Variants in HDAC9 observed in about 807,000 individuals in gnomAD.
HDAC9 encodes MEF-2 interacting transcription repressor (MITR) protein.
HDAC9 carries 41 observed loss-of-function variants against 139.4 expected under a neutral mutation model. That is an observed-to-expected ratio of 0.29 (90% CI 0.23 to 0.38). The LOEUF (loss-of-function observed/expected upper bound fraction) is 0.38, where lower values mean the gene tolerates loss of function less well. Ranked by LOEUF, HDAC9 falls within the 10% of genes least tolerant of loss-of-function variation. HDAC9 has a pLI of 1.00. For synonymous variants in HDAC9, 517 were observed against 476.2 expected, an observed-to-expected ratio of 1.09 and a Z score of -1.12; for missense variants, 1,147 against 1,297.0, an observed-to-expected ratio of 0.88 and a Z score of 1.78.
chr7:18,828,097 G>A (rs1054058029), intron 17 of HDAC9, among the ~76,000 whole-genome samples: 1 of 152,066 alleles, frequency 6.6e-6, no homozygotes, highest in African/African-American at 2.4e-5. Flanking sequence ...CTCATTGTGT[G>A]TTAATGACCA....
At chr7:18,963,333 G>C (rs920107946) in intron 24 of HDAC9, among the ~76,000 whole-genome samples, 14 of 152,120 alleles carry the variant, frequency 9.2e-5, no homozygotes, top group Admixed American at 2.0e-4. Flanking sequence ...TCCACTCCTG[G>C]GTTCAGGAGG....
In HDAC9 at chr7:18,673,074, T is replaced by C. The variant is rs541222631; in HGVS notation, c.1731+6598T>C. Among the ~76,000 whole-genome samples, 5 of 152,180 alleles carry C rather than the reference T, an allele frequency of 3.3e-5. No individual in the cohort carries two copies. In the East Asian group the frequency reaches 9.7e-4, roughly 30 times the overall value. ...ATCAATTATTTTTCTTCATGAATAT[T>C]ACTTTTAAAATCCTACCCTCGTCAC... On this transcript the variant is annotated intron_variant, in intron 12 of 25. Coordinates refer to ENST00000686413, the MANE Select transcript of HDAC9 (RefSeq NM_178425.4).
chr7:18,894,099 A>G (rs1292777661), intron 22 of HDAC9, among the ~76,000 whole-genome samples: 1 of 152,160 alleles, frequency 6.6e-6, no homozygotes, highest in Non-Finnish European at 1.5e-5. Context: ...GAAGGTGGGA[A>G]TGGAGTAAAG....
chr7:18,686,259 ACCAAGTCTT>A (rs1782261859), intron 12 of HDAC9, among the ~76,000 whole-genome samples: 1 of 152,016 alleles, frequency 6.6e-6, no homozygotes, highest in Non-Finnish European at 1.5e-5. Flanking sequence ...TAACTTTTCA[ACCAAGTCTT>A]CTTTACTCCC....
intron 1 of HDAC9, among the ~76,000 whole-genome samples, chr7:18,482,935 A>C (rs2128129140): frequency 6.6e-6 from 1 of 152,306 alleles, no homozygotes; most frequent in Non-Finnish European, 1.5e-5. Context: ...AACCCTTAAA[A>C]ACAGAACAAA....
intron 12 of HDAC9, among the ~76,000 whole-genome samples, chr7:18,707,128 G>C (rs963237104): frequency 6.6e-6 from 1 of 152,206 alleles, no homozygotes; most frequent in Non-Finnish European, 1.5e-5. Context: ...CACAAAGAGA[G>C]GGAGGAACTG....
At position 18,806,399 on chromosome 7, in the gene HDAC9, G is replaced by A. The variant is rs149260941; in HGVS notation, c.2322+12947G>A. Among the ~76,000 whole-genome samples, 978 of 152,178 alleles carry A rather than the reference G, an allele frequency of 6.4e-3. 5 individuals carry two copies. Among genetic ancestry groups the A allele is most frequent in the Non-Finnish European group, 0.011 (729 of 68,006 alleles). On this transcript the variant is annotated intron_variant, in intron 17 of 25. Coordinates refer to ENST00000686413, the MANE Select transcript of HDAC9 (RefSeq NM_178425.4). The stretch of plus-strand genomic sequence containing the variant: ...CCTTTCCTTGTGGTCGTGAGACTTG[G>A]GTCTCCATTTTCTTGCTAGCTGTCA...
chr7:18,870,821 A>G (rs1413006391), intron 21 of HDAC9, among the ~76,000 whole-genome samples: 3 of 152,120 alleles, frequency 2.0e-5, no homozygotes, highest in Middle Eastern at 3.2e-3. Flanking sequence ...CTACAGGCAC[A>G]CACCACCATG....
chr7:18,983,540 T>G (rs1050509960), intron 25 of HDAC9, among the ~76,000 whole-genome samples: 1 of 152,186 alleles, frequency 6.6e-6, no homozygotes, highest in Non-Finnish European at 1.5e-5. Flanking sequence ...CTCTATGAAA[T>G]TTTCATACAA....
intron 22 of HDAC9, among the ~76,000 whole-genome samples, chr7:18,932,475 A>G (rs965644346): frequency 2.0e-5 from 3 of 152,158 alleles, no homozygotes; most frequent in Non-Finnish European, 4.4e-5. Context: ...TAGAAAAAGG[A>G]GAGTAAATCC....
intron 1 of HDAC9, among the ~76,000 whole-genome samples, chr7:18,472,628 C>G (rs1794811375): frequency 6.6e-6 from 1 of 152,196 alleles, no homozygotes; most frequent in African/African-American, 2.4e-5. Flanking sequence ...TACGTATTTA[C>G]AAGACCGGCT....
chr7:18,354,646 T>G (rs769034052), intron 1 of HDAC9, among the ~76,000 whole-genome samples: 1 of 152,206 alleles, frequency 6.6e-6, no homozygotes, highest in African/African-American at 2.4e-5. Flanking sequence ...ATCAAACCAT[T>G]AATACCTATC....
chr7:18,472,853 G>T (rs2128121406), intron 1 of HDAC9, among the ~76,000 whole-genome samples: 1 of 152,300 alleles, frequency 6.6e-6, no homozygotes. Context: ...TATGCCCCAG[G>T]AGGGCAGAGA....
Position 18,975,696 on chromosome 7 carries a change from A to G in HDAC9, c.3023-110A>G, listed in dbSNP as rs1784505817. The G allele has an allele frequency of 6.9e-6, 7 of 1,009,206 alleles. No individual in the cohort carries two copies. The East Asian group carries it at 1.7e-4, about 25-fold the overall frequency. The allele number at this position is 1,009,206 out of a possible 1,614,324, so 62.5% of individuals were successfully genotyped here. On this transcript the variant is annotated intron_variant, in intron 24 of 25. Transcript: ENST00000686413. ...AGAAACCAAATTACAACTGTGTATAACATGGGGAATTTTAACTTAACAACT... is the reference window on the plus strand; with the variant it reads ...AGAAACCAAATTACAACTGTGTATAGCATGGGGAATTTTAACTTAACAACT...
Position 18,882,934 on chromosome 7 carries a change from G to A in HDAC9, c.2803+8338G>A, listed in dbSNP as rs898003780. Among the ~76,000 whole-genome samples the A allele has an allele frequency of 4.6e-5, 7 of 152,180 alleles. No homozygotes were observed. In the South Asian group the frequency reaches 1.2e-3, roughly 27 times the overall value. On this transcript the variant is annotated intron_variant, in intron 22 of 25. Coordinates refer to ENST00000686413, the MANE Select transcript of HDAC9 (RefSeq NM_178425.4). ...ATGCAGGATTTTAGGTAAATAGTAA[G>A]TGTATTGTCCATTTAATTAAAAGCC... is the stretch of plus-strand genomic sequence containing the variant.
intron 22 of HDAC9, among the ~76,000 whole-genome samples, chr7:18,909,146 G>A (rs1802527876): frequency 6.6e-6 from 1 of 151,906 alleles, no homozygotes; most frequent in Admixed American, 6.6e-5. Context: ...TGATGATTAG[G>A]GAGGTTGAGA....
At chr7:18,795,726 C>T (rs1168409544) in intron 17 of HDAC9, among the ~76,000 whole-genome samples, 8 of 152,138 alleles carry the variant, frequency 5.3e-5, no homozygotes, top group African/African-American at 1.7e-4. Flanking sequence ...AAGTAGAACT[C>T]ACAAATGATT....
At chr7:18,536,463 C>G (rs2128595489) in intron 2 of HDAC9, among the ~76,000 whole-genome samples, 1 of 152,230 alleles carries the variant, frequency 6.6e-6, no homozygotes, top group East Asian at 1.9e-4. Context: ...CTCAACAGGA[C>G]ATTATTATAT....
At chr7:18,391,829 A>G (rs78592246) in intron 1 of HDAC9, among the ~76,000 whole-genome samples, 1 of 152,154 alleles carries the variant, frequency 6.6e-6, no homozygotes, top group Non-Finnish European at 1.5e-5. Context: ...GGGCAATAGA[A>G]GTTTTTACCA....
Sources: gnomAD v4.1 joint callset for allele counts (sites outside exome capture counted in the v4.1 genomes callset) on GRCh38, gnomAD v4.1.1 for gene constraint, MANE v1.5 for transcripts, NCBI Gene and HGNC (gene_info 2026-07-23, HGNC 2026-07-21) for gene names.